The following SFMBT2 variants were observed in gnomAD, a reference collection of about 807,000 sequenced individuals.
The protein encoded by SFMBT2 is Scm like with four mbt domains 2.
In SFMBT2, 38 loss-of-function variants were observed where a neutral mutation model predicts 110.1. That is an observed-to-expected ratio of 0.35 (90% CI 0.27 to 0.45). SFMBT2 has a LOEUF of 0.45. Among genes scored for constraint, SFMBT2 ranks in the 20% least tolerant of loss-of-function variants. SFMBT2 has a pLI of 1.00. For missense variants in SFMBT2, 1,011 were observed against 1,094.9 expected (o/e 0.92, Z 1.08); for synonymous variants, 425 against 425.4 (o/e 1.00, Z 0.01).
chr10:7,357,010 A>G (rs1037291300), intron 4 of SFMBT2, among the ~76,000 whole-genome samples: 1 of 152,200 alleles, frequency 6.6e-6, no homozygotes, highest in African/African-American at 2.4e-5. Context: ...AAGATAATCC[A>G]TGCATTTACT....
At chr10:7,398,210 A>T (rs976870172) in intron 1 of SFMBT2, among the ~76,000 whole-genome samples, 4 of 152,224 alleles carry the variant, frequency 2.6e-5, no homozygotes, top group African/African-American at 9.6e-5. Context: ...AATAACATTC[A>T]GTGTCTTCTA....
chr10:7,333,669 C>T (rs1843629571), intron 4 of SFMBT2, among the ~76,000 whole-genome samples: 1 of 151,712 alleles, frequency 6.6e-6, no homozygotes, highest in Non-Finnish European at 1.5e-5. Context: ...ATTGACTCAC[C>T]TTTCACATAG....
At chr10:7,228,302 A>C in intron 9 of SFMBT2, 1 of 564,666 alleles carries the variant, frequency 1.8e-6, no homozygotes, top group Non-Finnish European at 2.2e-6. Context: ...CCTTCATAGG[A>C]AGCCTGAGTT....
intron 10 of SFMBT2, among the ~76,000 whole-genome samples, chr10:7,225,054 G>T (rs1839857448): frequency 6.6e-6 from 1 of 152,096 alleles, no homozygotes; most frequent in Non-Finnish European, 1.5e-5. Context: ...TGGGCTATTT[G>T]TTTCTGCAAG....
intron 4 of SFMBT2, among the ~76,000 whole-genome samples, chr10:7,315,076 G>GA (rs1306152314): frequency 6.9e-6 from 1 of 144,150 alleles, no homozygotes; most frequent in Admixed American, 6.9e-5. Flanking sequence ...AAGAAAGAAA[G>GA]AAAGAAAGAA....
At position 7,263,833 on chromosome 10, in the gene SFMBT2, AC is replaced by A. The variant is rs562735234; in HGVS notation, c.870+13058del. 2.3e-3 allele frequency among the ~76,000 whole-genome samples: 344 copies of A among 152,248 alleles called. 3 individuals are homozygous for A. Among genetic ancestry groups the A allele is most frequent in the African/African-American group, 7.8e-3 (324 of 41,534 alleles). ...CGTAAGAGAAGCCCGCGTCTTCCTT[AC>A]CCCTTTGGCTGTACCAGACGGAATG... On this transcript the variant is annotated intron_variant, in intron 7 of 20. Coordinates refer to ENST00000397167, the MANE Select transcript of SFMBT2 (RefSeq NM_001387889.1).
chr10:7,263,075 T>C (rs76412854), intron 7 of SFMBT2, among the ~76,000 whole-genome samples: 1,684 of 152,162 alleles, frequency 0.011, 18 homozygotes, highest in African/African-American at 0.036. Context: ...TGCAGAACCA[T>C]GCTTTCAGGC....
chr10:7,281,326 G>A (rs901757721), intron 6 of SFMBT2, among the ~76,000 whole-genome samples: 3 of 152,164 alleles, frequency 2.0e-5, no homozygotes, highest in Admixed American at 6.5e-5. Flanking sequence ...GGAGTGCAGA[G>A]CAGATGGTCC....
intron 7 of SFMBT2, among the ~76,000 whole-genome samples, chr10:7,257,213 G>C (rs1415235249): frequency 4.6e-5 from 7 of 152,132 alleles, no homozygotes; most frequent in Admixed American, 2.6e-4. Flanking sequence ...GCAATATCTT[G>C]GTGTCCTGAC....
intron 14 of SFMBT2, chr10:7,198,022 G>T: frequency 1.0e-6 from 1 of 985,374 alleles, no homozygotes; most frequent in Non-Finnish European, 1.2e-6. Context: ...TGATACCTTG[G>T]AAATTCTGAT....
In SFMBT2 at chr10:7,205,516, A is replaced by T. The variant is rs537178844; in HGVS notation, c.1444+299T>A. 39 of 900,290 alleles carry T rather than the reference A, an allele frequency of 4.3e-5. No homozygotes were observed. In the East Asian group the frequency reaches 2.1e-3, roughly 48 times the overall value. The allele number at this position is 900,290 out of a possible 1,614,324, so 55.8% of individuals were successfully genotyped here. A position where few individuals can be genotyped will look rare whatever the true frequency, so the allele number is the denominator to read the frequency against. ...AACACAATAATATAGTATCTAACAT[A>T]TTTTTTCACATCAAAACAATGAATT... On this transcript the variant is annotated intron_variant, in intron 12 of 20. Transcript: ENST00000397167.
chr10:7,165,330 C>T (rs1227542645), intron 20 of SFMBT2, among the ~76,000 whole-genome samples: 1 of 152,218 alleles, frequency 6.6e-6, no homozygotes, highest in Non-Finnish European at 1.5e-5. Context: ...TTCGCACAGG[C>T]AGCTTATTTT....
chr10:7,168,270 C>A (rs1391032695), intron 20 of SFMBT2, among the ~76,000 whole-genome samples: 1 of 152,202 alleles, frequency 6.6e-6, no homozygotes, highest in Non-Finnish European at 1.5e-5. Context: ...TTACTGAGAA[C>A]TTGTACACAG....
At chr10:7,255,841 C>T (rs1011337547) in intron 7 of SFMBT2, among the ~76,000 whole-genome samples, 1 of 152,198 alleles carries the variant, frequency 6.6e-6, no homozygotes, top group Non-Finnish European at 1.5e-5. Flanking sequence ...AGCCCCAAAC[C>T]TGAAACTTTT....
At chr10:7,372,506 C>T (rs1331434570) in intron 2 of SFMBT2, among the ~76,000 whole-genome samples, 6 of 152,216 alleles carry the variant, frequency 3.9e-5, no homozygotes, top group Non-Finnish European at 8.8e-5. Flanking sequence ...CAGGGATTGA[C>T]GCCCTTCAAA....
chr10:7,260,037 A>G (rs12221209), intron 7 of SFMBT2, among the ~76,000 whole-genome samples: 82,060 of 152,118 alleles, frequency 0.54, 23,355 homozygotes, highest in East Asian at 0.84. Context: ...GGTGACCACA[A>G]TATGGTGGTA....
chr10:7,369,237 G>A (rs930331800), intron 3 of SFMBT2, among the ~76,000 whole-genome samples: 1 of 152,206 alleles, frequency 6.6e-6, no homozygotes, highest in African/African-American at 2.4e-5. Flanking sequence ...AGGAAGAACA[G>A]GTTAAGAAAG....
intron 9 of SFMBT2, among the ~76,000 whole-genome samples, chr10:7,239,962 T>C (rs1287795170): frequency 6.6e-6 from 1 of 152,138 alleles, no homozygotes; most frequent in Non-Finnish European, 1.5e-5. Context: ...GAGCCTCAAT[T>C]TCTCTAGATA....
chr10:7,228,738 TTCTCTCTCTCTCTCTC>T lies in SFMBT2; in HGVS notation c.1121-817_1121-802del, dbSNP rs56871421. ...TTCTTTCTTTCTTTCTTTCTTTCCT[TTCTCTCTCTCTCTCTC>T]TCTCTCTCTCTCTCTCTCTCTCTCT... On this transcript the variant is annotated intron_variant, in intron 9 of 20. Transcript: ENST00000397167. 6.2e-3 allele frequency among the ~76,000 whole-genome samples: 387 copies of T among 62,502 alleles called. 8 individuals are homozygous for T. Among genetic ancestry groups the T allele is most frequent in the Non-Finnish European group, 7.6e-3 (253 of 33,382 alleles). The allele number at this position is 62,502 out of a possible 152,430, so 41.0% of individuals were successfully genotyped here.
Sources: allele counts gnomAD v4.1 joint callset (sites outside exome capture counted in the v4.1 genomes callset), GRCh38; gene constraint gnomAD v4.1.1; transcripts MANE v1.5; gene names NCBI Gene and HGNC (gene_info 2026-07-23, HGNC 2026-07-21).